MAPK10: variants seen among roughly 807,000 people sequenced by gnomAD.
MAPK10 encodes JNK3 alpha protein kinase.
MAPK10 carries 25 observed loss-of-function variants against 59.3 expected under a neutral mutation model. That is an observed-to-expected ratio of 0.42 (90% CI 0.31 to 0.59). The LOEUF is 0.59. Ranked by LOEUF, MAPK10 falls within the 20% of genes least tolerant of loss-of-function variation. The pLI is 0.15. For synonymous variants in MAPK10, 190 were observed against 200.5 expected (o/e 0.95, Z 0.44); for missense variants, 351 against 568.9 (o/e 0.62, Z 3.90).
At chr4:86,047,648 G>A (rs2042756320) in intron 11 of MAPK10, among the ~76,000 whole-genome samples, 1 of 152,158 alleles carries the variant, frequency 6.6e-6, no homozygotes, top group African/African-American at 2.4e-5. Context: ...ACGTGTGTGT[G>A]TGCACGCACG....
At chr4:86,512,302 AAT>A (rs1756338682) in intron 1 of MAPK10, among the ~76,000 whole-genome samples, 1 of 152,172 alleles carries the variant, frequency 6.6e-6, no homozygotes, top group East Asian at 1.9e-4. Flanking sequence ...GTTCAGTAAA[AAT>A]CTACTTTCTC....
chr4:86,246,347 T>C (rs1246150737), intron 2 of MAPK10, among the ~76,000 whole-genome samples: 1 of 151,998 alleles, frequency 6.6e-6, no homozygotes, highest in East Asian at 1.9e-4. Context: ...AGGAGAATGG[T>C]GTGAACCCAT....
chr4:86,143,074 C>T (rs1307686315), intron 4 of MAPK10, among the ~76,000 whole-genome samples: 3 of 152,094 alleles, frequency 2.0e-5, no homozygotes, highest in Admixed American at 1.3e-4. Context: ...AGGAAACTTA[C>T]AATCATGGCA....
At chr4:86,371,535 T>G (rs1330488244) in intron 1 of MAPK10, among the ~76,000 whole-genome samples, 1 of 152,168 alleles carries the variant, frequency 6.6e-6, no homozygotes, top group Non-Finnish European at 1.5e-5. Context: ...TAACTGAAAT[T>G]TCAACTTTCA....
chr4:86,337,249 A>G (rs17011720), intron 2 of MAPK10, among the ~76,000 whole-genome samples: 2,968 of 152,286 alleles, frequency 0.019, 80 homozygotes, highest in African/African-American at 0.067. Context: ...GATTACCTTT[A>G]CCTCTACATG....
At chr4:86,484,061 C>T (rs1753797580) in intron 1 of MAPK10, among the ~76,000 whole-genome samples, 1 of 152,076 alleles carries the variant, frequency 6.6e-6, no homozygotes, top group African/African-American at 2.4e-5. Flanking sequence ...TATTAAAGCT[C>T]AAGCTGGAAG....
chr4:86,092,127 C>T (rs2053344954), intron 9 of MAPK10, among the ~76,000 whole-genome samples: 1 of 152,040 alleles, frequency 6.6e-6, no homozygotes, highest in Non-Finnish European at 1.5e-5. Context: ...TAATAGATCA[C>T]AAATCTTTTG....
intron 4 of MAPK10, among the ~76,000 whole-genome samples, chr4:86,154,526 A>C (rs1455616869): frequency 6.6e-6 from 1 of 152,148 alleles, no homozygotes; most frequent in East Asian, 1.9e-4. Context: ...CCTAGGTTAC[A>C]TGTGCTGACC....
chr4:86,081,737 C>T (rs1350021646), intron 9 of MAPK10: 1 of 151,926 alleles, frequency 6.6e-6, no homozygotes. Flanking sequence ...GAGCAGACAG[C>T]TACATACTAC....
intron 1 of MAPK10, among the ~76,000 whole-genome samples, chr4:86,482,328 G>A (rs539109296): frequency 6.6e-6 from 1 of 152,110 alleles, no homozygotes; most frequent in African/African-American, 2.4e-5. Context: ...CAAAAACTTA[G>A]TGTTACTGGA....
intron 4 of MAPK10, among the ~76,000 whole-genome samples, chr4:86,107,926 G>T (rs1282595256): frequency 6.6e-6 from 1 of 152,002 alleles, no homozygotes; most frequent in Non-Finnish European, 1.5e-5. Context: ...TTGAACTCCT[G>T]AGCTCAAGGT....
Position 86,063,893 on chromosome 4 carries a change from C to CA in MAPK10, c.1110+372dup, listed in dbSNP as rs964143105. On this transcript the variant is annotated intron_variant, in intron 11 of 13. Coordinates refer to ENST00000641462, the MANE Select transcript of MAPK10 (RefSeq NM_138982.4). Reference sequence around the variant, plus strand: ...ATTTTACTAGTGGCAGGTATCTTTTCAAAAAAAAAATACAAGCTAAGCAAC... The same window carrying CA: ...ATTTTACTAGTGGCAGGTATCTTTTCAAAAAAAAAAATACAAGCTAAGCAAC... Among the ~76,000 whole-genome samples, 178 of 146,968 alleles carry CA rather than the reference C, an allele frequency of 1.2e-3. 1 individual carries two copies. Among genetic ancestry groups the CA allele is most frequent in the Non-Finnish European group, 1.7e-3 (112 of 66,418 alleles).
intron 1 of MAPK10, among the ~76,000 whole-genome samples, chr4:86,565,721 T>G (rs992637064): frequency 4.6e-5 from 7 of 152,244 alleles, no homozygotes; most frequent in Admixed American, 3.9e-4. Context: ...CAATATTTTG[T>G]GCTTATCTCA....
chr4:86,267,182 T>C (rs887194669), intron 2 of MAPK10, among the ~76,000 whole-genome samples: 2 of 152,258 alleles, frequency 1.3e-5, no homozygotes, highest in African/African-American at 4.8e-5. Context: ...TTCACAGAAG[T>C]TATTATTTTA....
At chr4:86,245,710 G>A (rs2093041930) in intron 2 of MAPK10, among the ~76,000 whole-genome samples, 1 of 152,044 alleles carries the variant, frequency 6.6e-6, no homozygotes, top group African/African-American at 2.4e-5. Context: ...CCACTCAAGA[G>A]GAATGTTACA....
intron 13 of MAPK10, among the ~76,000 whole-genome samples, chr4:86,023,691 C>T (rs903780787): frequency 2.0e-5 from 3 of 151,122 alleles, no homozygotes; most frequent in Non-Finnish European, 4.4e-5. Context: ...TTTCTTGATG[C>T]TATTCTAAAT....
At chr4:86,472,246 T>C (rs2149066429) in intron 1 of MAPK10, among the ~76,000 whole-genome samples, 1 of 152,342 alleles carries the variant, frequency 6.6e-6, no homozygotes, top group Non-Finnish European at 1.5e-5. Flanking sequence ...TTATGTATTC[T>C]ACAATTTTAC....
At chr4:86,172,208 G>A (rs2074399084) in intron 3 of MAPK10, among the ~76,000 whole-genome samples, 1 of 141,258 alleles carries the variant, frequency 7.1e-6, no homozygotes, top group African/African-American at 3.1e-5. Context: ...ATTTGACCCA[G>A]CCATCCCATT....
intron 11 of MAPK10, among the ~76,000 whole-genome samples, chr4:86,056,190 C>A (rs572615452): frequency 2.0e-5 from 3 of 150,022 alleles, no homozygotes; most frequent in Non-Finnish European, 4.4e-5. Context: ...CTTCCAGATA[C>A]TTCAGGTTTA....
Sources: gnomAD v4.1 joint callset for allele counts (sites outside exome capture counted in the v4.1 genomes callset) on GRCh38, gnomAD v4.1.1 for gene constraint, MANE v1.5 for transcripts, NCBI Gene and HGNC (gene_info 2026-07-23, HGNC 2026-07-21) for gene names.